ZBTB1: variants seen among roughly 807,000 people sequenced by gnomAD.
ZBTB1 encodes zinc finger and BTB domain-containing protein 1.
Under a neutral mutation model 51.6 loss-of-function variants are expected in ZBTB1, and 13 were observed. The ratio of observed to expected loss-of-function variants is 0.25; its 90% CI spans 0.16 to 0.40. The LOEUF is 0.40. Ranked by LOEUF, ZBTB1 falls within the 10% of genes least tolerant of loss-of-function variation. The pLI, the probability that ZBTB1 is intolerant of heterozygous loss-of-function variation, is 1.00. For missense variants in ZBTB1, 567 were observed against 856.5 expected (o/e 0.66, Z 4.22); for synonymous variants, 240 against 282.2 (o/e 0.85, Z 1.50).
downstream of ZBTB1, among the ~76,000 whole-genome samples, chr14:64,525,542 A>C (rs1038979815): frequency 4.6e-5 from 7 of 152,216 alleles, no homozygotes; most frequent in Non-Finnish European, 8.8e-5. Flanking sequence ...ATAGTATCAT[A>C]ATGGACATAA....
downstream of ZBTB1, among the ~76,000 whole-genome samples, chr14:64,525,577 G>T (rs1227466394): frequency 6.6e-6 from 1 of 151,960 alleles, no homozygotes; most frequent in Non-Finnish European, 1.5e-5. Flanking sequence ...CTTTTTTCGT[G>T]ACTCATCAAA....
At position 64,532,995 on chromosome 14, in the gene ZBTB1, T is replaced by C. The variant is rs551978666; in HGVS notation, c.*1098T>C. On this transcript the variant is annotated 3_prime_UTR_variant, in exon 3 of 3. Coordinates refer to the ZBTB1 transcript ENST00000358738. ...TTGTTTCTTCTGCAATATCAAGATGTTATTTATTTTGAGAAATGCTTATTT... is the reference window on the plus strand; with the variant it reads ...TTGTTTCTTCTGCAATATCAAGATGCTATTTATTTTGAGAAATGCTTATTT... 9.2e-5 allele frequency: 14 copies of C among 152,242 alleles called. No homozygotes were observed. In the South Asian group the frequency reaches 2.9e-3, roughly 32 times the overall value. The allele number at this position is 152,242 out of a possible 1,614,324, so 9.4% of individuals were successfully genotyped here. A position where few individuals can be genotyped will look rare whatever the true frequency, so the allele number is the denominator to read the frequency against.
chr14:64,505,112 C>T (rs1243794923), intron 1 of ZBTB1, 166 bp downstream of exon 1: 2 of 348,670 alleles, frequency 5.7e-6, no homozygotes, highest in Non-Finnish European at 1.0e-5. Flanking sequence ...GGCTGCCAGG[C>T]CGCCTGCTTG....
At position 64,524,535 on chromosome 14, in the gene ZBTB1, A is replaced by G; in HGVS notation, c.*889A>G. 1.0e-6 allele frequency: 1 copy of G among 980,962 alleles called. No homozygotes were observed. The highest frequency in any genetic ancestry group is 4.7e-5 in the South Asian group (1 of 21,220). 60.8% of individuals were successfully genotyped at this position (980,962 alleles called of 1,614,324 possible). ...ACTTTAATAGCTCTCTAAGAATATG[A>G]CCTCTAAAGGAAAAGATGATTTTTT... is the stretch of plus-strand genomic sequence containing the variant. On this transcript the variant is annotated 3_prime_UTR_variant, in exon 2 of 2. Coordinates refer to ENST00000683701, the MANE Select transcript of ZBTB1 (RefSeq NM_001123329.2).
downstream of ZBTB1, among the ~76,000 whole-genome samples, chr14:64,527,485 C>T (rs772516206): frequency 2.6e-5 from 4 of 152,156 alleles, no homozygotes; most frequent in Non-Finnish European, 5.9e-5. Context: ...TTGGCACAAG[C>T]CTGTAATCCC....
chr14:64,531,148 C>T (rs2079939466), intron 2 of ZBTB1, among the ~76,000 whole-genome samples: 1 of 152,152 alleles, frequency 6.6e-6, no homozygotes, highest in South Asian at 2.1e-4. Context: ...TCATATCAAA[C>T]ACAATCAGGA....
chr14:64,513,302 C>T (rs2079745788), intron 1 of ZBTB1, among the ~76,000 whole-genome samples: 1 of 152,058 alleles, frequency 6.6e-6, no homozygotes, highest in Non-Finnish European at 1.5e-5. Context: ...TCTCCCTATA[C>T]ATCTGCCTGG....
At position 64,504,863 on chromosome 14, in the gene ZBTB1, C is replaced by A; in HGVS notation, c.-102C>A. 1 of 397,378 alleles carries A rather than the reference C, an allele frequency of 2.5e-6. No individual in the cohort carries two copies. The highest frequency in any genetic ancestry group is 4.4e-6 in the Non-Finnish European group (1 of 225,498). 24.6% of individuals were successfully genotyped at this position (397,378 alleles called of 1,614,324 possible). ...CGCCGCCGCCACTGCAGCTCGCGGC[C>A]CCTTCGCCTTCGCCCGCCTTTCCCG... is the stretch of plus-strand genomic sequence containing the variant. On this transcript the variant is annotated 5_prime_UTR_variant, in exon 1 of 2. Coordinates refer to ENST00000683701, the MANE Select transcript of ZBTB1 (RefSeq NM_001123329.2).
intron 2 of ZBTB1, among the ~76,000 whole-genome samples, chr14:64,531,677 T>C (rs1254053137): frequency 6.6e-6 from 1 of 152,184 alleles, no homozygotes; most frequent in Non-Finnish European, 1.5e-5. Flanking sequence ...ACGAGTTACA[T>C]TCGGGAAATA....
At chr14:64,532,356 C>T (rs1242352905) in exon 3 of ZBTB1, 2 of 152,436 alleles carry the variant, frequency 1.3e-5, no homozygotes, top group African/African-American at 4.8e-5. Context: ...ATGAAATGTA[C>T]TTAGTCAACT....
downstream of ZBTB1, among the ~76,000 whole-genome samples, chr14:64,525,459 A>G (rs2079896936): frequency 6.6e-6 from 1 of 152,238 alleles, no homozygotes; most frequent in East Asian, 1.9e-4. Context: ...ACCAGATAAA[A>G]GTTCTCTAAC....
intron 2 of ZBTB1, among the ~76,000 whole-genome samples, chr14:64,530,850 C>CA (rs2079937278): frequency 6.6e-6 from 1 of 150,758 alleles, no homozygotes; most frequent in Non-Finnish European, 1.5e-5. Context: ...AATTGCTGAC[C>CA]AAAAAAGATA....
In ZBTB1 at chr14:64,521,960, T is replaced by C. The variant is rs1201046098; in HGVS notation, c.456T>C (p.Asn152=). The change falls in exon 2 of 2, where the codon AAT becomes AAC. Residue 152 remains asparagine, a synonymous_variant. Transcript: ENST00000683701. The part of the protein sequence containing the change: ...VRMYEDTVAR[N]GNEANRWCAE... Reference sequence around the variant, plus strand: ...TGTATGAAGATACTGTGGCTCGAAATGGCAATGAAGCCAACAGGTGGTGTG... The same window carrying C: ...TGTATGAAGATACTGTGGCTCGAAACGGCAATGAAGCCAACAGGTGGTGTG... 1 of 1,614,080 alleles carries C rather than the reference T, an allele frequency of 6.2e-7. No homozygotes were observed. The highest frequency in any genetic ancestry group is 8.5e-7 in the Non-Finnish European group (1 of 1,180,046).
At chr14:64,507,493 T>A (rs1258633151) in intron 1 of ZBTB1, among the ~76,000 whole-genome samples, 1 of 152,188 alleles carries the variant, frequency 6.6e-6, no homozygotes, top group Non-Finnish European at 1.5e-5. Flanking sequence ...CCATGTACAG[T>A]TAATTCCTTG....
At chr14:64,520,955 G>A (rs1008496430) in intron 1 of ZBTB1, among the ~76,000 whole-genome samples, 6 of 150,918 alleles carry the variant, frequency 4.0e-5, no homozygotes, top group Admixed American at 4.0e-4. Flanking sequence ...TCTACCTGTC[G>A]GGCTCAAGTG....
chr14:64,511,427 A>G (rs1319029427), intron 1 of ZBTB1: 1 of 152,224 alleles, frequency 6.6e-6, no homozygotes, highest in Non-Finnish European at 1.5e-5. Flanking sequence ...AACTACAGGA[A>G]CATCTCACTT....
At chr14:64,527,383 G>A (rs1220157084), downstream of ZBTB1, among the ~76,000 whole-genome samples, 1 of 151,788 alleles carries the variant, frequency 6.6e-6, no homozygotes, top group East Asian at 1.9e-4. Context: ...GGCTGAGGTG[G>A]GTGGATTGCG....
chr14:64,509,257 C>G (rs1174362987), intron 1 of ZBTB1, among the ~76,000 whole-genome samples: 1 of 152,262 alleles, frequency 6.6e-6, no homozygotes, highest in South Asian at 2.1e-4. Flanking sequence ...GTAGTCCCAG[C>G]TATTCGAGAG....
intron 1 of ZBTB1, among the ~76,000 whole-genome samples, chr14:64,506,452 G>A (rs2079658174): frequency 6.6e-6 from 1 of 152,204 alleles, no homozygotes; most frequent in Non-Finnish European, 1.5e-5. Flanking sequence ...AGAATCGCTT[G>A]AACCTGGGAG....
Sources: allele counts gnomAD v4.1 joint callset (sites outside exome capture counted in the v4.1 genomes callset), GRCh38; gene constraint gnomAD v4.1.1; transcripts MANE v1.5; gene names NCBI Gene and HGNC (gene_info 2026-07-23, HGNC 2026-07-21).